Variants in PLD5 observed in about 807,000 individuals in gnomAD.
PLD5 encodes the protein phospholipase D family member 5, also known as inactive phospholipase D5.
A neutral mutation model predicts 61.1 loss-of-function variants in PLD5; 36 were observed. The ratio of observed to expected loss-of-function variants is 0.59; its 90% confidence interval spans 0.45 to 0.78. The LOEUF (loss-of-function observed/expected upper bound fraction) is 0.78, where lower values mean the gene tolerates loss of function less well. PLD5 is among the 30% of genes least tolerant of loss of function. PLD5 has a pLI of 0.00. For missense variants in PLD5, 515 were observed against 644.4 expected, an observed-to-expected ratio of 0.80 and a Z score of 2.17; for synonymous variants, 243 against 242.8, an observed-to-expected ratio of 1.00 and a Z score of -0.01.
At chr1:242,449,058 A>G (rs1045939388) in intron 1 of PLD5, among the ~76,000 whole-genome samples, 1 of 152,242 alleles carries the variant, frequency 6.6e-6, no homozygotes, top group Non-Finnish European at 1.5e-5. Context: ...CAGAGAATGC[A>G]TTAATCGGGG....
intron 1 of PLD5, among the ~76,000 whole-genome samples, chr1:242,456,069 TG>T (rs1666935513): frequency 6.6e-6 from 1 of 152,130 alleles, no homozygotes; most frequent in Admixed American, 6.5e-5. Flanking sequence ...TATTTAAGAG[TG>T]TGTCAGCTTG....
chr1:242,130,696 G>A (rs1663169071), intron 5 of PLD5, among the ~76,000 whole-genome samples: 1 of 152,126 alleles, frequency 6.6e-6, no homozygotes, highest in Non-Finnish European at 1.5e-5. Flanking sequence ...GCCCTGTCCA[G>A]CCTCTGTGGC....
At chr1:242,474,256 C>T (rs1022713834) in intron 1 of PLD5, among the ~76,000 whole-genome samples, 10 of 152,148 alleles carry the variant, frequency 6.6e-5, no homozygotes, top group African/African-American at 2.2e-4. Context: ...GCCATCCTAC[C>T]GGGATTCCCA....
upstream of PLD5, among the ~76,000 whole-genome samples, chr1:242,527,961 C>A (rs72765090): frequency 4.6e-5 from 7 of 152,184 alleles, no homozygotes; most frequent in Non-Finnish European, 8.8e-5. Flanking sequence ...CTAGCCCATT[C>A]GCTTCTTGGG....
intron 5 of PLD5, among the ~76,000 whole-genome samples, chr1:242,195,625 G>A (rs992773433): frequency 6.6e-6 from 1 of 152,176 alleles, no homozygotes; most frequent in Non-Finnish European, 1.5e-5. Context: ...TTCAGAGTGA[G>A]AGCAGGATCA....
At chr1:242,191,553 T>G (rs1668287984) in intron 5 of PLD5, among the ~76,000 whole-genome samples, 1 of 150,062 alleles carries the variant, frequency 6.7e-6, no homozygotes, top group African/African-American at 2.4e-5. Flanking sequence ...GCCACTGCAC[T>G]CCAGCCTGGG....
rs80315569 is a variant in PLD5, at chr1:242,416,945, T to C, written c.190-68703A>G. 4.4e-3 allele frequency among the ~76,000 whole-genome samples: 671 copies of C among 152,252 alleles called. 8 individuals carry two copies. The highest frequency in any genetic ancestry group is 0.015 in the East Asian group (78 of 5,180). ...CCCTGTTGTACACAGACAATGTTTA[T>C]ACAGCAGTGATCACAACAAATATTT... On this transcript the variant is annotated intron_variant, in intron 1 of 9. Transcript: ENST00000536534.
At chr1:242,101,685 T>C (rs1291687240) in intron 8 of PLD5, among the ~76,000 whole-genome samples, 1 of 152,214 alleles carries the variant, frequency 6.6e-6, no homozygotes, top group East Asian at 1.9e-4. Context: ...GAAAATGGCA[T>C]GATACCTAGA....
chr1:242,130,726 A>AT (rs1345329640), intron 5 of PLD5, among the ~76,000 whole-genome samples: 2 of 152,216 alleles, frequency 1.3e-5, no homozygotes, highest in Non-Finnish European at 2.9e-5. Flanking sequence ...GCCACAGAGC[A>AT]TCCTGATGGG....
rs960803393 is a variant in PLD5, at chr1:242,441,457, T to G, written c.189+82631A>C. On this transcript the variant is annotated intron_variant, in intron 1 of 9. Transcript: ENST00000536534. Reference sequence around the variant, plus strand: ...TGTTATGAATCTTCCGAAATTACCATGTGTTTCTTTAGTAGTCATAAAAAA... The same window carrying G: ...TGTTATGAATCTTCCGAAATTACCAGGTGTTTCTTTAGTAGTCATAAAAAA... Among the ~76,000 whole-genome samples, 5 of 152,290 alleles carry G rather than the reference T, an allele frequency of 3.3e-5. No individual in the cohort carries two copies. In the South Asian group the frequency reaches 1.0e-3, roughly 32 times the overall value.
chr1:242,504,117 A>G (rs1226351502), intron 1 of PLD5, among the ~76,000 whole-genome samples: 2 of 152,210 alleles, frequency 1.3e-5, no homozygotes, highest in African/African-American at 4.8e-5. Flanking sequence ...AAAAAAATGT[A>G]CCTACCAGAA....
intron 1 of PLD5, among the ~76,000 whole-genome samples, 156 bp from the exon 2 acceptor site, chr1:242,348,398 G>T: frequency 6.6e-6 from 1 of 152,102 alleles, no homozygotes; most frequent in Non-Finnish European, 1.5e-5. Context: ...ACATGCCAAA[G>T]ATCTTTATGC....
chr1:242,192,212 G>A (rs1322982211), intron 5 of PLD5: 5 of 152,262 alleles, frequency 3.3e-5, no homozygotes, highest in Non-Finnish European at 7.3e-5. Flanking sequence ...CCTCATTTGG[G>A]ACACCACCAA....
chr1:242,366,430 T>A (rs1321689489), intron 1 of PLD5, among the ~76,000 whole-genome samples: 2 of 152,212 alleles, frequency 1.3e-5, no homozygotes, highest in African/African-American at 4.8e-5. Flanking sequence ...CACTAAAGGA[T>A]GTTTTTGTTT....
chr1:242,164,934 C>T (rs1334939522), intron 5 of PLD5, among the ~76,000 whole-genome samples: 2 of 152,146 alleles, frequency 1.3e-5, no homozygotes, highest in African/African-American at 2.4e-5. Context: ...ACCTTCCACC[C>T]TTCCACAGAC....
chr1:242,158,740 G>C (rs1665590024), intron 5 of PLD5, among the ~76,000 whole-genome samples: 1 of 152,136 alleles, frequency 6.6e-6, no homozygotes, highest in Non-Finnish European at 1.5e-5. Context: ...GGGAGCTGCA[G>C]ACTGCAGCTG....
chr1:242,506,001 A>T (rs2654855), intron 1 of PLD5, among the ~76,000 whole-genome samples: 1 of 152,070 alleles, frequency 6.6e-6, no homozygotes, highest in South Asian at 2.1e-4. Context: ...AAAAGCTCCC[A>T]TTTTTGTCTT....
At chr1:242,377,653 T>A (rs894470102) in intron 1 of PLD5, among the ~76,000 whole-genome samples, 3 of 151,644 alleles carry the variant, frequency 2.0e-5, no homozygotes, top group Non-Finnish European at 2.9e-5. Context: ...AGCAGGTAAA[T>A]AAATAAATAA....
At chr1:242,234,621 T>C (rs992847788) in intron 4 of PLD5, among the ~76,000 whole-genome samples, 1 of 151,560 alleles carries the variant, frequency 6.6e-6, no homozygotes, top group Non-Finnish European at 1.5e-5. Flanking sequence ...ACTTAACACC[T>C]GGAGATGCCA....
Sources: gnomAD v4.1 joint callset for allele counts (sites outside exome capture counted in the v4.1 genomes callset) on GRCh38, gnomAD v4.1.1 for gene constraint, MANE v1.5 for transcripts, NCBI Gene and HGNC (gene_info 2026-07-23, HGNC 2026-07-21) for gene names.